The following CELA2A variants were observed in gnomAD, a reference collection of about 807,000 sequenced individuals.
The protein encoded by CELA2A is chymotrypsin-like elastase family member 2A.
Under a neutral mutation model 35.3 loss-of-function variants are expected in CELA2A, and 31 were observed. The ratio of observed to expected loss-of-function variants is 0.88; its 90% confidence interval spans 0.66 to 1.19. CELA2A has a LOEUF of 1.19. CELA2A is among the 50% of genes most tolerant of loss of function. The pLI is 0.00. For missense variants in CELA2A, 330 were observed against 352.9 expected, an observed-to-expected ratio of 0.94 and a Z score of 0.52; for synonymous variants, 150 against 149.8, an observed-to-expected ratio of 1.00 and a Z score of -0.01.
At chr1:15,465,778 C>T (rs1396596496) in intron 5 of CELA2A, 7 of 571,888 alleles carry the variant, frequency 1.2e-5, no homozygotes, top group Non-Finnish European at 1.9e-5. Context: ...ATCTCATAGA[C>T]CCCATCTCAG....
At chr1:15,457,885 C>T (rs1708382884) in intron 2 of CELA2A, among the ~76,000 whole-genome samples, 1 of 152,058 alleles carries the variant, frequency 6.6e-6, no homozygotes, top group South Asian at 2.1e-4. Flanking sequence ...ATCAATGTTA[C>T]CAATGAAAAA....
intron 2 of CELA2A, chr1:15,457,609 C>CA (rs79860840): frequency 2.2e-3 from 285 of 129,546 alleles, no homozygotes; most frequent in Middle Eastern, 3.9e-3. Flanking sequence ...GACTCTGTCT[C>CA]AAAAAAAAAA....
chr1:15,462,590 C>A, intron 3 of CELA2A, 143 bp from the exon 4 acceptor site: 1 of 969,746 alleles, frequency 1.0e-6, no homozygotes. Context: ...CCTATTATAA[C>A]TAACTGATTG....
intron 4 of CELA2A, 51 bp from the exon 5 acceptor site, chr1:15,463,335 G>C (rs1708465691): frequency 1.9e-6 from 3 of 1,611,292 alleles, no homozygotes; most frequent in African/African-American, 1.3e-5. Context: ...AAAGCCCACA[G>C]GGCAGGAAAA....
intron 3 of CELA2A, 99 bp from the exon 4 acceptor site, chr1:15,462,634 A>G (rs1708450866): frequency 2.1e-6 from 3 of 1,455,526 alleles, no homozygotes; most frequent in Non-Finnish European, 2.8e-6. Context: ...AGTCCCATCT[A>G]GTGGCTCACG....
intron 2 of CELA2A, among the ~76,000 whole-genome samples, chr1:15,461,063 G>A (rs1372711091): frequency 1.3e-5 from 2 of 152,016 alleles, no homozygotes; most frequent in Non-Finnish European, 2.9e-5. Flanking sequence ...GAGCAAAAGT[G>A]GGGGAAAGAC....
intron 7 of CELA2A, among the ~76,000 whole-genome samples, chr1:15,471,208 G>C (rs1340857736): frequency 6.6e-6 from 1 of 152,152 alleles, no homozygotes; most frequent in Non-Finnish European, 1.5e-5. Flanking sequence ...GTAGCAGCTG[G>C]ATCTCCTGCA....
Position 15,461,605 on chromosome 1 carries a change from C to T in CELA2A, c.174C>T (p.Cys58=), listed in dbSNP as rs764179482. 10 of 1,612,674 alleles carry T rather than the reference C, an allele frequency of 6.2e-6. No individual in the cohort carries two copies. The highest frequency in any genetic ancestry group is 2.2e-5 in the East Asian group (1 of 44,900). Residue 58 remains cysteine (C), a synonymous_variant, in exon 3 of 8, where the codon TGC becomes TGT. Coordinates refer to ENST00000359621, the MANE Select transcript of CELA2A (RefSeq NM_033440.3). ...YSSNGKWYHT[C]GGSLIANSWV... ...CCAATGGCAAGTGGTACCACACCTG[C>T]GGAGGGTCCCTGATAGCCAACAGCT... is the stretch of plus-strand genomic sequence containing the variant.
intron 6 of CELA2A, among the ~76,000 whole-genome samples, chr1:15,466,555 C>CAA (rs573811979): frequency 1.4e-5 from 2 of 140,256 alleles, no homozygotes; most frequent in Non-Finnish European, 1.6e-5. Context: ...GAGCGAAACT[C>CAA]AAAAAAAAAA....
intron 7 of CELA2A, among the ~76,000 whole-genome samples, chr1:15,470,912 C>A (rs1236581516): frequency 6.6e-6 from 1 of 152,056 alleles, no homozygotes; most frequent in African/African-American, 2.4e-5. Flanking sequence ...TGTGTGTGGT[C>A]TCAACTTTAT....
At chr1:15,457,215 C>A (rs1230948376) in intron 2 of CELA2A, 41 bp downstream of exon 2, 8 of 1,581,328 alleles carry the variant, frequency 5.1e-6, no homozygotes, top group African/African-American at 1.3e-5. Context: ...CCCTGCCCCA[C>A]TCCCTTTACA....
At chr1:15,457,404 G>A (rs947895391) in intron 2 of CELA2A, 15 of 491,304 alleles carry the variant, frequency 3.1e-5, no homozygotes, top group Non-Finnish European at 4.8e-5. Flanking sequence ...CTGAAGTCAG[G>A]AGTTTGAGAC....
At chr1:15,464,033 C>T (rs956218174) in intron 5 of CELA2A, among the ~76,000 whole-genome samples, 1 of 152,098 alleles carries the variant, frequency 6.6e-6, no homozygotes, top group African/African-American at 2.4e-5. Flanking sequence ...GCCTGGGGGA[C>T]AGAGCGAGAC....
chr1:15,461,786 A>T (rs759452813), intron 3 of CELA2A, 128 bp downstream of exon 3: 6 of 1,047,790 alleles, frequency 5.7e-6, no homozygotes, highest in Non-Finnish European at 8.8e-6. Flanking sequence ...TGGCTGAGAC[A>T]CAAGCTGTAG....
chr1:15,469,104 G>A (rs897817648), intron 7 of CELA2A, among the ~76,000 whole-genome samples: 1 of 152,082 alleles, frequency 6.6e-6, no homozygotes, highest in Admixed American at 6.5e-5. Flanking sequence ...CTTGAACCTG[G>A]GAGGTGGAGG....
chr1:15,457,559 G>A, intron 2 of CELA2A: 1 of 168,812 alleles, frequency 5.9e-6, no homozygotes, highest in African/African-American at 2.4e-5. Flanking sequence ...GCAGTGAGCT[G>A]AAATTGCACC....
chr1:15,461,244 A>G (rs1708429184), intron 2 of CELA2A, among the ~76,000 whole-genome samples: 1 of 151,880 alleles, frequency 6.6e-6, no homozygotes, highest in East Asian at 1.9e-4. Context: ...GCCAAACCTT[A>G]TCAGATGGGG....
intron 2 of CELA2A, among the ~76,000 whole-genome samples, chr1:15,459,088 T>C (rs2103300536): frequency 6.6e-6 from 1 of 151,732 alleles, no homozygotes; most frequent in Non-Finnish European, 1.5e-5. Flanking sequence ...ACTCCTGGGC[T>C]CTGGCCATCT....
intron 1 of CELA2A, 75 bp from the exon 2 acceptor site, chr1:15,457,011 C>A: frequency 6.9e-7 from 1 of 1,440,712 alleles, no homozygotes; most frequent in Non-Finnish European, 9.7e-7. Context: ...TTTGGGGGGT[C>A]AGAATGCGCA....
Sources: allele counts gnomAD v4.1 joint callset (sites outside exome capture counted in the v4.1 genomes callset), GRCh38; gene constraint gnomAD v4.1.1; transcripts MANE v1.5; gene names NCBI Gene and HGNC (gene_info 2026-07-23, HGNC 2026-07-21).